The following SLC14A2 variants were observed in gnomAD, a reference collection of about 807,000 sequenced individuals.
SLC14A2 encodes urea transporter 2.
A neutral mutation model predicts 104.6 loss-of-function variants in SLC14A2; 91 were observed. The observed-to-expected ratio is 0.87, with a 90% CI of 0.73 to 1.04. SLC14A2 has a LOEUF of 1.04. Among genes scored for constraint, SLC14A2 ranks in the 50% least tolerant of loss-of-function variants. The probability of loss-of-function intolerance (pLI) is 0.00; values close to 1 mark genes in which losing one functional copy is unlikely to be tolerated. For missense variants in SLC14A2, 1,189 were observed against 1,156.0 expected, an observed-to-expected ratio of 1.03 and a Z score of -0.41; for synonymous variants, 476 against 466.4, an observed-to-expected ratio of 1.02 and a Z score of -0.27.
chr18:45,517,080 T>C (rs1265517648), intron 2 of SLC14A2, among the ~76,000 whole-genome samples: 1 of 152,212 alleles, frequency 6.6e-6, no homozygotes, highest in African/African-American at 2.4e-5. Flanking sequence ...GCAGGGTCCC[T>C]GCTCTCCTGG....
At chr18:45,641,142 C>T (rs1337094225) in intron 7 of SLC14A2, 67 bp from the exon 8 acceptor site, 3 of 1,562,164 alleles carry the variant, frequency 1.9e-6, no homozygotes, top group Non-Finnish European at 2.6e-6. Flanking sequence ...AGACCTGGCA[C>T]CAGTCCCAGG....
chr18:45,257,622 A>G (rs980855482), intron 1 of SLC14A2, among the ~76,000 whole-genome samples: 3 of 152,182 alleles, frequency 2.0e-5, no homozygotes, highest in Admixed American at 6.5e-5. Flanking sequence ...CTTTATTTCT[A>G]TGTAGCTCTT....
At position 45,439,944 on chromosome 18, in the gene SLC14A2, G is replaced by A. The variant is rs540463012; in HGVS notation, c.-124-43289G>A. Reference sequence around the variant, plus strand: ...AGTAAGACCATTTCCTTACAGGAGAGTAATTCAGCATTGGAAAGCTAGTTG... The same window carrying A: ...AGTAAGACCATTTCCTTACAGGAGAATAATTCAGCATTGGAAAGCTAGTTG... On this transcript the variant is annotated intron_variant, in intron 1 of 20. Coordinates refer to the SLC14A2 transcript ENST00000586448. 8.5e-5 allele frequency among the ~76,000 whole-genome samples: 13 copies of A among 152,316 alleles called. No homozygotes were observed. In the South Asian group the frequency reaches 2.3e-3, roughly 27 times the overall value.
At chr18:45,505,622 A>G (rs2043271717) in intron 2 of SLC14A2, among the ~76,000 whole-genome samples, 1 of 152,152 alleles carries the variant, frequency 6.6e-6, no homozygotes, top group Non-Finnish European at 1.5e-5. Context: ...CATCTGGGAC[A>G]TGGTATAATG....
intron 1 of SLC14A2, among the ~76,000 whole-genome samples, chr18:45,311,781 C>T (rs188474005): frequency 2.0e-5 from 3 of 152,202 alleles, no homozygotes; most frequent in East Asian, 3.9e-4. Context: ...GTGTTGGAAC[C>T]AAAGTAGTGA....
At chr18:45,440,177 C>A (rs139493968) in intron 1 of SLC14A2, among the ~76,000 whole-genome samples, 5 of 151,864 alleles carry the variant, frequency 3.3e-5, no homozygotes, top group South Asian at 2.1e-4. Context: ...AGCCCTAGAA[C>A]CTTGCTATGC....
At chr18:45,452,840 A>G (rs920733070) in intron 1 of SLC14A2, among the ~76,000 whole-genome samples, 1 of 152,208 alleles carries the variant, frequency 6.6e-6, no homozygotes. Flanking sequence ...TGAGGTTGAA[A>G]GTGGTGTTTG....
intron 1 of SLC14A2, among the ~76,000 whole-genome samples, chr18:45,394,569 C>T (rs559181063): frequency 6.6e-6 from 1 of 151,998 alleles, no homozygotes; most frequent in Non-Finnish European, 1.5e-5. Flanking sequence ...GTGTCAGGTG[C>T]TGTGATTTTG....
Position 45,668,575 on chromosome 18 carries a change from GCATGTATTTAGCTTGC to G in SLC14A2, c.2036+99_2036+114del. Reference sequence around the variant, plus strand: ...TCTGTCTAAACGTGATATTAAAGTGGCATGTATTTAGCTTGCACATCAGAAATGTCCACTGGACTAA... The same window carrying G: ...TCTGTCTAAACGTGATATTAAAGTGGACATCAGAAATGTCCACTGGACTAA... On this transcript the variant is annotated intron_variant, in intron 15 of 19. Transcript: ENST00000255226. 3 of 1,366,390 alleles carry G rather than the reference GCATGTATTTAGCTTGC, an allele frequency of 2.2e-6. No individual in the cohort carries two copies. The Admixed American group carries it at 5.5e-5, about 25-fold the overall frequency. 84.6% of individuals were successfully genotyped at this position (1,366,390 alleles called of 1,614,324 possible).
chr18:45,677,292 G>C (rs979164853), intron 18 of SLC14A2, among the ~76,000 whole-genome samples: 1 of 152,224 alleles, frequency 6.6e-6, no homozygotes, highest in Non-Finnish European at 1.5e-5. Flanking sequence ...CTGGGTCCCA[G>C]GGAAGATGGA....
intron 1 of SLC14A2, among the ~76,000 whole-genome samples, chr18:45,385,496 A>G (rs2085885539): frequency 6.6e-6 from 1 of 152,228 alleles, no homozygotes; most frequent in African/African-American, 2.4e-5. Context: ...AGGAGAAACC[A>G]GGTTGTTTCT....
intron 1 of SLC14A2, among the ~76,000 whole-genome samples, chr18:45,270,545 G>A (rs989541836): frequency 2.6e-5 from 4 of 152,048 alleles, no homozygotes; most frequent in Admixed American, 2.0e-4. Flanking sequence ...ACTCATTCTA[G>A]ATTACTTAGA....
the SLC14A2 span, among the ~76,000 whole-genome samples, chr18:45,196,793 C>G: frequency 2.0e-5 from 3 of 152,196 alleles, no homozygotes; most frequent in Non-Finnish European, 4.4e-5. Context: ...GTGTTTCATA[C>G]CTGGAGCTAG....
chr18:45,261,486 C>T (rs2084537296), intron 1 of SLC14A2, among the ~76,000 whole-genome samples: 1 of 151,548 alleles, frequency 6.6e-6, no homozygotes, highest in Non-Finnish European at 1.5e-5. Context: ...TATATATGTG[C>T]CATGCTCGTG....
chr18:45,581,308 A>C (rs984939431), intron 2 of SLC14A2, among the ~76,000 whole-genome samples: 1 of 152,220 alleles, frequency 6.6e-6, no homozygotes, highest in East Asian at 1.9e-4. Flanking sequence ...GGTGGGGGAC[A>C]GACAGAGAAG....
Position 45,588,626 on chromosome 18 carries a change from TGAG to T in SLC14A2, c.-34-36001_-34-35999del, listed in dbSNP as rs1244920175. The stretch of plus-strand genomic sequence containing the variant: ...ACTAAAACTCCTCTCTGGTGATCTC[TGAG>T]GAGAATGGGGATACCCACGGTCCTC... On this transcript the variant is annotated intron_variant, in intron 2 of 20. Coordinates refer to the SLC14A2 transcript ENST00000586448. Among the ~76,000 whole-genome samples, 8 of 152,188 alleles carry T rather than the reference TGAG, an allele frequency of 5.3e-5. No individual in the cohort carries two copies. In the East Asian group the frequency reaches 1.5e-3, roughly 29 times the overall value.
intron 2 of SLC14A2, among the ~76,000 whole-genome samples, chr18:45,595,267 A>G (rs1599043563): frequency 1.3e-5 from 2 of 152,204 alleles, no homozygotes; most frequent in South Asian, 4.1e-4. Flanking sequence ...TAGAAAAATG[A>G]TCTTCACAAC....
intron 1 of SLC14A2, among the ~76,000 whole-genome samples, chr18:45,354,023 G>A (rs1174392009): frequency 6.6e-6 from 1 of 152,162 alleles, no homozygotes; most frequent in Non-Finnish European, 1.5e-5. Context: ...TGAGAAAGAG[G>A]CAAAATTCTT....
intron 1 of SLC14A2, among the ~76,000 whole-genome samples, chr18:45,282,212 A>G (rs933916676): frequency 6.6e-6 from 1 of 152,136 alleles, no homozygotes; most frequent in Admixed American, 6.5e-5. Flanking sequence ...GAAGTCCATC[A>G]GGCCCTTCTT....
Sources: allele counts gnomAD v4.1 joint callset (sites outside exome capture counted in the v4.1 genomes callset), GRCh38; gene constraint gnomAD v4.1.1; transcripts MANE v1.5; gene names NCBI Gene and HGNC (gene_info 2026-07-23, HGNC 2026-07-21).